PRKCA: variants seen among roughly 807,000 people sequenced by gnomAD.
PRKCA encodes the protein protein kinase C alpha type.
PRKCA carries 27 observed loss-of-function variants against 87.0 expected under a neutral mutation model. The ratio of observed to expected loss-of-function variants is 0.31; its 90% CI spans 0.23 to 0.43. The LOEUF (loss-of-function observed/expected upper bound fraction) is 0.43, where lower values mean the gene tolerates loss of function less well. Among genes scored for constraint, PRKCA ranks in the 20% least tolerant of loss-of-function variants. The probability of loss-of-function intolerance (pLI) is 1.00; values close to 1 mark genes in which losing one functional copy is unlikely to be tolerated. For missense variants in PRKCA, 518 were observed against 852.3 expected (o/e 0.61, Z 4.88); for synonymous variants, 329 against 311.1 (o/e 1.06, Z -0.61).
At chr17:66,591,027 C>T (rs546847566) in intron 3 of PRKCA, among the ~76,000 whole-genome samples, 75 of 152,284 alleles carry the variant, frequency 4.9e-4, no homozygotes, top group African/African-American at 1.7e-3. Flanking sequence ...ATTTCCAGCT[C>T]TGTAACCTCA....
intron 2 of PRKCA, among the ~76,000 whole-genome samples, chr17:66,367,143 G>A (rs1178388015): frequency 6.6e-6 from 1 of 152,240 alleles, no homozygotes; most frequent in African/African-American, 2.4e-5. Flanking sequence ...CAATTTAGGA[G>A]TTTGATAAGT....
At chr17:66,384,357 T>G (rs1909931445) in intron 2 of PRKCA, among the ~76,000 whole-genome samples, 1 of 152,234 alleles carries the variant, frequency 6.6e-6, no homozygotes, top group Non-Finnish European at 1.5e-5. Context: ...AGTAGTGATT[T>G]GTCTTGCAAC....
chr17:66,355,115 C>T (rs1907973398), intron 2 of PRKCA, among the ~76,000 whole-genome samples: 1 of 152,190 alleles, frequency 6.6e-6, no homozygotes, highest in Non-Finnish European at 1.5e-5. Flanking sequence ...GTGGCATTTG[C>T]TAACAATAAT....
chr17:66,461,197 C>A (rs1457809757), intron 2 of PRKCA, among the ~76,000 whole-genome samples: 7 of 143,256 alleles, frequency 4.9e-5, no homozygotes, highest in Non-Finnish European at 7.5e-5. Context: ...AAAAATGAGA[C>A]CCCATCTCAA....
chr17:66,418,187 G>A (rs1049308094), intron 2 of PRKCA, among the ~76,000 whole-genome samples: 8 of 152,138 alleles, frequency 5.3e-5, no homozygotes, highest in African/African-American at 1.9e-4. Context: ...AGATGTCTGT[G>A]GATTAAGCAG....
chr17:66,421,430 T>TTG (rs1555601866), intron 2 of PRKCA, among the ~76,000 whole-genome samples: 1 of 10,744 alleles, frequency 9.3e-5, no homozygotes, highest in Admixed American at 1.0e-3. Flanking sequence ...CAGCCTCTGT[T>TTG]TTTTTTTTTT....
intron 9 of PRKCA, among the ~76,000 whole-genome samples, chr17:66,735,163 C>G (rs999604495): frequency 5.9e-5 from 9 of 152,182 alleles, no homozygotes; most frequent in African/African-American, 2.2e-4. Flanking sequence ...TCTAAGGATA[C>G]TCCTGAAAAA....
intron 3 of PRKCA, among the ~76,000 whole-genome samples, chr17:66,582,864 A>G (rs1253690025): frequency 1.3e-5 from 2 of 152,012 alleles, no homozygotes; most frequent in Non-Finnish European, 2.9e-5. Context: ...CCTGCATTCC[A>G]CCCTCAGCTG....
Position 66,530,869 on chromosome 17 carries a change from A to G in PRKCA, c.288+34586A>G, listed in dbSNP as rs991046255. 6.6e-5 allele frequency among the ~76,000 whole-genome samples: 10 copies of G among 151,572 alleles called. 1 individual carries two copies. The highest frequency in any genetic ancestry group is 4.6e-4 in the Admixed American group (7 of 15,248). ...TGGTGGAGGATCTAAAAAAAAAATCATCTTTGTGCTCCCTACCTTGCCCCT... is the reference window on the plus strand; with the variant it reads ...TGGTGGAGGATCTAAAAAAAAAATCGTCTTTGTGCTCCCTACCTTGCCCCT... On this transcript the variant is annotated intron_variant, in intron 3 of 16. Coordinates refer to ENST00000413366, the MANE Select transcript of PRKCA (RefSeq NM_002737.3).
At chr17:66,744,410 A>C (rs1974227244) in intron 13 of PRKCA, among the ~76,000 whole-genome samples, 1 of 152,230 alleles carries the variant, frequency 6.6e-6, no homozygotes, top group Non-Finnish European at 1.5e-5. Flanking sequence ...TCATTGAACA[A>C]TTCAGCAGAT....
intron 3 of PRKCA, among the ~76,000 whole-genome samples, chr17:66,542,552 G>A (rs912117964): frequency 6.6e-6 from 1 of 152,074 alleles, no homozygotes; most frequent in African/African-American, 2.4e-5. Flanking sequence ...TGGGTGAGGA[G>A]ACACAATAGT....
chr17:66,594,335 G>A (rs923061077), intron 3 of PRKCA, among the ~76,000 whole-genome samples: 1 of 152,166 alleles, frequency 6.6e-6, no homozygotes, highest in African/African-American at 2.4e-5. Context: ...AGGACTGCAG[G>A]ATGTTTTAGA....
chr17:66,374,003 G>C (rs1191499775), intron 2 of PRKCA, among the ~76,000 whole-genome samples: 2 of 152,300 alleles, frequency 1.3e-5, no homozygotes, highest in African/African-American at 4.8e-5. Context: ...GGGGGTTTGA[G>C]GGCAGCTGTT....
At chr17:66,433,584 A>G (rs1438142651) in intron 2 of PRKCA, among the ~76,000 whole-genome samples, 1 of 152,018 alleles carries the variant, frequency 6.6e-6, no homozygotes, top group East Asian at 1.9e-4. Flanking sequence ...TTGCTCTGTC[A>G]CCCAGGCTGG....
intron 8 of PRKCA, among the ~76,000 whole-genome samples, chr17:66,694,040 A>G (rs1972852800): frequency 6.6e-6 from 1 of 152,188 alleles, no homozygotes; most frequent in Non-Finnish European, 1.5e-5. Context: ...ATTAGTTATA[A>G]ATAGAACTAA....
At chr17:66,395,122 A>G (rs1008190547) in intron 2 of PRKCA, among the ~76,000 whole-genome samples, 2 of 152,154 alleles carry the variant, frequency 1.3e-5, no homozygotes, top group African/African-American at 4.8e-5. Flanking sequence ...GATTTAAATT[A>G]TGTTATAAAG....
chr17:66,605,908 T>C (rs1351887688), intron 3 of PRKCA, among the ~76,000 whole-genome samples: 2 of 151,818 alleles, frequency 1.3e-5, no homozygotes, highest in African/African-American at 4.8e-5. Context: ...AGGTTAGTGG[T>C]TACCTAGGGC....
At chr17:66,366,786 T>C (rs1288014046) in intron 2 of PRKCA, among the ~76,000 whole-genome samples, 1 of 152,214 alleles carries the variant, frequency 6.6e-6, no homozygotes, top group East Asian at 1.9e-4. Flanking sequence ...GTATCTCTTG[T>C]GGATTGAAGA....
At chr17:66,653,785 A>C (rs1971653808) in intron 5 of PRKCA, among the ~76,000 whole-genome samples, 1 of 118,534 alleles carries the variant, frequency 8.4e-6, no homozygotes, top group African/African-American at 3.5e-5. Flanking sequence ...GCAAGTTTCC[A>C]GCTCTTAAAA....
Sources: gnomAD v4.1 joint callset for allele counts (sites outside exome capture counted in the v4.1 genomes callset) on GRCh38, gnomAD v4.1.1 for gene constraint, MANE v1.5 for transcripts, NCBI Gene and HGNC (gene_info 2026-07-23, HGNC 2026-07-21) for gene names.